The following HPSE2 variants were observed in gnomAD, a reference collection of about 807,000 sequenced individuals.
HPSE2 encodes heparanase 2 (inactive).
HPSE2 carries 38 observed loss-of-function variants against 60.5 expected under a neutral mutation model. That is an observed-to-expected ratio of 0.63 (90% CI 0.48 to 0.82). The LOEUF (loss-of-function observed/expected upper bound fraction) is 0.82, where lower values mean the gene tolerates loss of function less well. HPSE2 is among the 40% of genes least tolerant of loss of function. The pLI is 0.00. For synonymous variants in HPSE2, 295 were observed against 293.2 expected (o/e 1.01, Z -0.06); for missense variants, 713 against 740.4 (o/e 0.96, Z 0.43).
chr10:99,137,997 C>A (rs1331947226), intron 3 of HPSE2, among the ~76,000 whole-genome samples: 3 of 152,266 alleles, frequency 2.0e-5, no homozygotes, highest in Non-Finnish European at 4.4e-5. Context: ...ATCCATCTGA[C>A]AAAGGGCTAA....
At chr10:99,165,915 C>T (rs868818650) in intron 2 of HPSE2, among the ~76,000 whole-genome samples, 20 of 152,240 alleles carry the variant, frequency 1.3e-4, no homozygotes, top group African/African-American at 3.6e-4. Context: ...AATATGATCA[C>T]CCTAAAAAAC....
chr10:98,466,855 C>T (rs1051799213), intron 11 of HPSE2, among the ~76,000 whole-genome samples: 1 of 152,136 alleles, frequency 6.6e-6, no homozygotes, highest in African/African-American at 2.4e-5. Flanking sequence ...ATGATATTGA[C>T]CTGTCTAAAT....
At chr10:99,238,987 C>T (rs1480796851), upstream of HPSE2, among the ~76,000 whole-genome samples, 4 of 151,820 alleles carry the variant, frequency 2.6e-5, no homozygotes, top group Non-Finnish European at 4.4e-5. Flanking sequence ...GGTGAAACCC[C>T]GTCTCTACTA....
intron 4 of HPSE2, among the ~76,000 whole-genome samples, chr10:98,724,880 C>T (rs1477439341): frequency 6.6e-6 from 1 of 152,072 alleles, no homozygotes; most frequent in African/African-American, 2.4e-5. Flanking sequence ...AGTGAACTCC[C>T]ATTCACAATT....
At chr10:98,838,957 C>T (rs1165054212) in intron 3 of HPSE2, among the ~76,000 whole-genome samples, 1 of 152,040 alleles carries the variant, frequency 6.6e-6, no homozygotes, top group Non-Finnish European at 1.5e-5. Flanking sequence ...AAGTTATGAT[C>T]TAGTACAAAT....
chr10:98,943,801 A>T lies in HPSE2; in HGVS notation c.611-199745T>A, dbSNP rs536086687. On this transcript the variant is annotated intron_variant, in intron 3 of 11. Transcript: ENST00000370552. ...AAAAACCATGGGAATGATTTTCTAA[A>T]TGTATCCTCCCCAAATTGAGCCTTC... Among the ~76,000 whole-genome samples, 5 of 152,244 alleles carry T rather than the reference A, an allele frequency of 3.3e-5. No homozygotes were observed. In the East Asian group the frequency reaches 9.7e-4, roughly 29 times the overall value.
chr10:99,305,860 CATT>C, the HPSE2 span, among the ~76,000 whole-genome samples: 1 of 151,942 alleles, frequency 6.6e-6, no homozygotes, highest in Non-Finnish European at 1.5e-5. Context: ...AAATATCTGA[CATT>C]AATAACTCAA....
At chr10:98,549,488 C>G (rs1943796294) in intron 9 of HPSE2, among the ~76,000 whole-genome samples, 1 of 152,168 alleles carries the variant, frequency 6.6e-6, no homozygotes, top group African/African-American at 2.4e-5. Context: ...GGTCTATTCT[C>G]TTGCTACTTC....
At chr10:98,981,751 G>T (rs1956211817) in intron 3 of HPSE2, among the ~76,000 whole-genome samples, 2 of 151,810 alleles carry the variant, frequency 1.3e-5, no homozygotes, top group South Asian at 4.2e-4. Context: ...ATCTAAAACT[G>T]GTTTTCCCTC....
chr10:99,222,764 A>G (rs1037901523), intron 2 of HPSE2, among the ~76,000 whole-genome samples: 3 of 152,154 alleles, frequency 2.0e-5, no homozygotes, highest in Admixed American at 6.5e-5. Flanking sequence ...CTCCTTCAAC[A>G]TGTCCTAAAA....
chr10:98,896,244 C>A lies in HPSE2; in HGVS notation c.611-152188G>T, dbSNP rs116327886. 3.2e-3 allele frequency among the ~76,000 whole-genome samples: 486 copies of A among 151,866 alleles called. 3 individuals carry two copies. The highest frequency in any genetic ancestry group is 0.01 in the African/African-American group (419 of 41,420). On this transcript the variant is annotated intron_variant, in intron 3 of 11. Transcript: ENST00000370552. ...CAGGTGGCGAATTGCAAAGTCAAACCCAGGAGGAAAATGCTTGCATGGTAA... is the reference window on the plus strand; with the variant it reads ...CAGGTGGCGAATTGCAAAGTCAAACACAGGAGGAAAATGCTTGCATGGTAA...
At chr10:98,802,202 T>C (rs1406303024) in intron 3 of HPSE2, among the ~76,000 whole-genome samples, 2 of 151,984 alleles carry the variant, frequency 1.3e-5, no homozygotes, top group East Asian at 1.9e-4. Context: ...ACTTAAATGT[T>C]AGACCTCAAA....
intron 9 of HPSE2, among the ~76,000 whole-genome samples, chr10:98,492,510 CAA>C (rs10645866): frequency 6.2e-5 from 7 of 112,130 alleles, no homozygotes; most frequent in African/African-American, 1.4e-4. Flanking sequence ...TCAAAAAAGA[CAA>C]AAAAAAAAAA....
At chr10:98,770,061 G>A (rs971588118) in intron 3 of HPSE2, among the ~76,000 whole-genome samples, 27 of 152,190 alleles carry the variant, frequency 1.8e-4, no homozygotes, top group African/African-American at 6.0e-4. Context: ...CGCACTTGGT[G>A]ACATATCTCA....
At chr10:98,804,608 T>C (rs1374265363) in intron 3 of HPSE2, among the ~76,000 whole-genome samples, 1 of 152,096 alleles carries the variant, frequency 6.6e-6, no homozygotes, top group Non-Finnish European at 1.5e-5. Context: ...TTAAAATGTC[T>C]TTCATCCAAA....
At chr10:98,917,559 T>G (rs1391005508) in intron 3 of HPSE2, among the ~76,000 whole-genome samples, 1 of 152,224 alleles carries the variant, frequency 6.6e-6, no homozygotes, top group Non-Finnish European at 1.5e-5. Flanking sequence ...AGCATCCAAT[T>G]CTTCACCTTT....
chr10:98,538,939 T>C (rs779324512), intron 9 of HPSE2, among the ~76,000 whole-genome samples: 5 of 152,212 alleles, frequency 3.3e-5, no homozygotes, highest in Admixed American at 6.5e-5. Context: ...TTCATGTGTA[T>C]TGTCAAGTAC....
intron 3 of HPSE2, among the ~76,000 whole-genome samples, chr10:99,097,804 G>A (rs1345561219): frequency 6.6e-6 from 1 of 152,064 alleles, no homozygotes; most frequent in African/African-American, 2.4e-5. Flanking sequence ...ATAAGACAAT[G>A]GGTTTACAGA....
chr10:98,913,267 G>C (rs1239852598), intron 3 of HPSE2, among the ~76,000 whole-genome samples: 1 of 152,148 alleles, frequency 6.6e-6, no homozygotes, highest in African/African-American at 2.4e-5. Flanking sequence ...GAAACCTCCA[G>C]TAGCCAATAA....
Sources: gnomAD v4.1 joint callset for allele counts (sites outside exome capture counted in the v4.1 genomes callset) on GRCh38, gnomAD v4.1.1 for gene constraint, MANE v1.5 for transcripts, NCBI Gene and HGNC (gene_info 2026-07-23, HGNC 2026-07-21) for gene names.